The following SNTB1 variants were observed in gnomAD, a reference collection of about 807,000 sequenced individuals.
The protein encoded by SNTB1 is syntrophin beta 1, also known as beta-1-syntrophin.
In SNTB1, 36 loss-of-function variants were observed where a neutral mutation model predicts 48.9. That is an observed-to-expected ratio of 0.74 (90% confidence interval 0.56 to 0.97). The LOEUF (loss-of-function observed/expected upper bound fraction) is 0.97, where lower values mean the gene tolerates loss of function less well. Ranked by LOEUF, SNTB1 falls within the 50% of genes least tolerant of loss-of-function variation. The probability of loss-of-function intolerance (pLI) is 0.00; values close to 1 mark genes in which losing one functional copy is unlikely to be tolerated. For synonymous variants in SNTB1, 299 were observed against 294.6 expected (o/e 1.01, Z -0.15); for missense variants, 786 against 703.4 (o/e 1.12, Z -1.33).
At chr8:120,766,393 GT>G (rs1349194232) in intron 1 of SNTB1, among the ~76,000 whole-genome samples, 2 of 152,136 alleles carry the variant, frequency 1.3e-5, no homozygotes, top group Non-Finnish European at 2.9e-5. Context: ...ATTTCCAATA[GT>G]TTTTGCCCCA....
intron 1 of SNTB1, 67 bp from the exon 2 acceptor site, chr8:120,693,975 G>T: frequency 1.6e-6 from 2 of 1,249,472 alleles, no homozygotes; most frequent in Non-Finnish European, 2.4e-6. Context: ...GTCTGATTGT[G>T]TTTCTGAAAT....
At chr8:120,795,258 C>T (rs1322160788) in intron 1 of SNTB1, among the ~76,000 whole-genome samples, 1 of 149,168 alleles carries the variant, frequency 6.7e-6, no homozygotes, top group Non-Finnish European at 1.5e-5. Context: ...AAAAAAAAAA[C>T]AAAAAACAAA....
At chr8:120,579,497 T>A (rs555700256) in intron 3 of SNTB1, among the ~76,000 whole-genome samples, 1 of 152,202 alleles carries the variant, frequency 6.6e-6, no homozygotes, top group East Asian at 1.9e-4. Flanking sequence ...GCCAACATGG[T>A]GGAAACTCTG....
At chr8:120,653,077 A>C (rs1587065267) in intron 2 of SNTB1, among the ~76,000 whole-genome samples, 1 of 152,300 alleles carries the variant, frequency 6.6e-6, no homozygotes, top group African/African-American at 2.4e-5. Context: ...ACTGGAGTAC[A>C]TGGTCTCTGC....
intron 1 of SNTB1, among the ~76,000 whole-genome samples, chr8:120,758,540 C>A (rs1368683264): frequency 2.6e-5 from 4 of 152,204 alleles, no homozygotes; most frequent in African/African-American, 9.6e-5. Context: ...ATTTCTCCAG[C>A]TCCATTAATA....
At chr8:120,712,445 T>C (rs1477221451) in intron 1 of SNTB1, among the ~76,000 whole-genome samples, 2 of 150,192 alleles carry the variant, frequency 1.3e-5, no homozygotes, top group African/African-American at 4.9e-5. Context: ...AAGAAATATA[T>C]GACATTATTC....
chr8:120,549,837 T>C (rs945633975), intron 4 of SNTB1, among the ~76,000 whole-genome samples: 3 of 152,222 alleles, frequency 2.0e-5, no homozygotes, highest in Non-Finnish European at 4.4e-5. Context: ...CAGGGTAGCA[T>C]AAGTCTAATT....
At chr8:120,588,088 A>G (rs976428550) in intron 3 of SNTB1, among the ~76,000 whole-genome samples, 2 of 152,318 alleles carry the variant, frequency 1.3e-5, no homozygotes, top group East Asian at 1.9e-4. Flanking sequence ...AAAAAAATGT[A>G]TGCTTCAACA....
intron 3 of SNTB1, among the ~76,000 whole-genome samples, chr8:120,621,286 T>C (rs983576786): frequency 2.0e-5 from 3 of 152,120 alleles, no homozygotes; most frequent in Admixed American, 2.0e-4. Context: ...TGCCCACTGG[T>C]GGAGGTGCTA....
In SNTB1 at chr8:120,726,276, GATT is replaced by G. The variant is rs146419704; in HGVS notation, c.572-32371_572-32369del. Reference sequence around the variant, plus strand: ...AACCTGAATATTATTTTAGCACTAAGATTATCTTCTCCAGTTTCCTAGACATTC... The same window carrying G: ...AACCTGAATATTATTTTAGCACTAAGATCTTCTCCAGTTTCCTAGACATTC... On this transcript the variant is annotated intron_variant, in intron 1 of 6. Transcript: ENST00000517992. Among the ~76,000 whole-genome samples the G allele has an allele frequency of 2.7e-3, 416 of 152,238 alleles. 2 individuals are homozygous for G. Among genetic ancestry groups the G allele is most frequent in the Middle Eastern group, 0.014 (4 of 294 alleles).
intron 3 of SNTB1, among the ~76,000 whole-genome samples, chr8:120,607,315 C>T (rs562173932): frequency 2.6e-4 from 40 of 152,262 alleles, no homozygotes; most frequent in African/African-American, 7.9e-4. Flanking sequence ...AAGGCTGGTG[C>T]GTCCACCTAC....
intron 1 of SNTB1, among the ~76,000 whole-genome samples, chr8:120,764,698 G>A (rs1351327503): frequency 6.6e-6 from 1 of 152,028 alleles, no homozygotes; most frequent in Non-Finnish European, 1.5e-5. Context: ...AGCTCCATCA[G>A]TTACTTTAGG....
At chr8:120,769,395 C>A (rs1274508816) in intron 1 of SNTB1, 1 of 152,146 alleles carries the variant, frequency 6.6e-6, no homozygotes, top group Non-Finnish European at 1.5e-5. Flanking sequence ...GAGTCAATTT[C>A]TCCTCTTCTT....
chr8:120,541,069 G>A (rs1355242471), intron 6 of SNTB1: 1 of 152,190 alleles, frequency 6.6e-6, no homozygotes, highest in Non-Finnish European at 1.5e-5. Context: ...TTCCTGAAAT[G>A]CCAAGGATGA....
intron 4 of SNTB1, among the ~76,000 whole-genome samples, chr8:120,554,826 GATAGCAAA>G (rs1563816005): frequency 2.6e-5 from 4 of 152,156 alleles, no homozygotes; most frequent in Non-Finnish European, 5.9e-5. Flanking sequence ...CAGCAAAGCA[GATAGCAAA>G]GATGCTGAGA....
At chr8:120,632,146 C>T (rs1205655164) in intron 3 of SNTB1, among the ~76,000 whole-genome samples, 1 of 152,190 alleles carries the variant, frequency 6.6e-6, no homozygotes, top group Non-Finnish European at 1.5e-5. Context: ...TTTTCCCTTC[C>T]CTTCATACAT....
chr8:120,791,849 T>C (rs1820041699), intron 1 of SNTB1, among the ~76,000 whole-genome samples: 1 of 151,950 alleles, frequency 6.6e-6, no homozygotes, highest in Non-Finnish European at 1.5e-5. Context: ...ACTTATACAC[T>C]GCTGGTGGGA....
At chr8:120,547,210 A>G (rs1815397529) in intron 5 of SNTB1, among the ~76,000 whole-genome samples, 1 of 152,220 alleles carries the variant, frequency 6.6e-6, no homozygotes, top group Admixed American at 6.5e-5. Flanking sequence ...CAATGAAACA[A>G]TATTTACACC....
At chr8:120,611,613 G>A (rs752090683) in intron 3 of SNTB1, among the ~76,000 whole-genome samples, 1 of 151,880 alleles carries the variant, frequency 6.6e-6, no homozygotes, top group African/African-American at 2.4e-5. Context: ...ACAAGGTCAG[G>A]AGATCGAGAC....
Sources: gnomAD v4.1 joint callset for allele counts (sites outside exome capture counted in the v4.1 genomes callset) on GRCh38, gnomAD v4.1.1 for gene constraint, MANE v1.5 for transcripts, NCBI Gene and HGNC (gene_info 2026-07-23, HGNC 2026-07-21) for gene names.